MAN1A2: variants seen among roughly 807,000 people sequenced by gnomAD.
The protein encoded by MAN1A2 is mannosyl-oligosaccharide 1,2-alpha-mannosidase IB.
In MAN1A2, 26 loss-of-function variants were observed where a neutral mutation model predicts 75.7. The observed-to-expected ratio is 0.34, with a 90% CI of 0.25 to 0.48. The LOEUF (loss-of-function observed/expected upper bound fraction) is 0.48, where lower values mean the gene tolerates loss of function less well. Among genes scored for constraint, MAN1A2 ranks in the 20% least tolerant of loss-of-function variants. The pLI, the probability that MAN1A2 is intolerant of heterozygous loss-of-function variation, is 0.99. For synonymous variants in MAN1A2, 247 were observed against 264.6 expected, an observed-to-expected ratio of 0.93 and a Z score of 0.65; for missense variants, 562 against 775.5, an observed-to-expected ratio of 0.72 and a Z score of 3.27.
At chr1:117,428,758 A>G (rs1026348892) in intron 5 of MAN1A2, among the ~76,000 whole-genome samples, 7 of 139,512 alleles carry the variant, frequency 5.0e-5, no homozygotes, top group African/African-American at 1.9e-4. Context: ...GATGAAAAGT[A>G]TTGTCAGAGA....
At chr1:117,388,555 CAGT>C (rs1653616333) in intron 1 of MAN1A2, among the ~76,000 whole-genome samples, 1 of 152,136 alleles carries the variant, frequency 6.6e-6, no homozygotes, top group Admixed American at 6.5e-5. Context: ...GCATCTCACA[CAGT>C]AGGAGCAAGA....
intron 4 of MAN1A2, 119 bp from the exon 5 acceptor site, chr1:117,420,450 C>A: frequency 1.4e-6 from 1 of 709,714 alleles, no homozygotes; most frequent in African/African-American, 1.8e-5. Flanking sequence ...AATGAAGATG[C>A]AGAAAGTAGA....
At chr1:117,444,522 C>A (rs1003929174) in intron 6 of MAN1A2, among the ~76,000 whole-genome samples, 1 of 151,864 alleles carries the variant, frequency 6.6e-6, no homozygotes, top group Non-Finnish European at 1.5e-5. Context: ...TACATTTCCA[C>A]CAACAATATG....
chr1:117,372,111 CATG>C (rs1238678746), intron 1 of MAN1A2, among the ~76,000 whole-genome samples: 1 of 152,070 alleles, frequency 6.6e-6, no homozygotes, highest in Admixed American at 6.6e-5. Context: ...AAGGGAATGA[CATG>C]ATCATTTTAA....
At chr1:117,518,783 CAG>C (rs978200279) in intron 12 of MAN1A2, among the ~76,000 whole-genome samples, 1 of 151,976 alleles carries the variant, frequency 6.6e-6, no homozygotes, top group Non-Finnish European at 1.5e-5. Flanking sequence ...GTCAACAAGA[CAG>C]AAAGTCAACA....
chr1:117,397,700 G>A (rs552919696), intron 1 of MAN1A2, among the ~76,000 whole-genome samples: 43 of 135,172 alleles, frequency 3.2e-4, no homozygotes, highest in African/African-American at 1.2e-3. Context: ...GGCCCAGGCT[G>A]GAGTGCAATG....
Position 117,525,134 on chromosome 1 carries a change from T to C in MAN1A2, c.*2177T>C, listed in dbSNP as rs549361146. ...AGACAGAACCCCTACTTCCAAGTGCTCTATTTGTATTACCCAGATGACTGA... is the reference window on the plus strand; with the variant it reads ...AGACAGAACCCCTACTTCCAAGTGCCCTATTTGTATTACCCAGATGACTGA... On this transcript the variant is annotated 3_prime_UTR_variant, in exon 13 of 13. Coordinates refer to ENST00000356554, the MANE Select transcript of MAN1A2 (RefSeq NM_006699.5). 27 of 528,828 alleles carry C rather than the reference T, an allele frequency of 5.1e-5. No homozygotes were observed. The highest frequency in any genetic ancestry group is 4.8e-4 in the African/African-American group (25 of 51,964). The allele number at this position is 528,828 out of a possible 1,614,324, so 32.8% of individuals were successfully genotyped here.
At chr1:117,385,623 A>G (rs150520630) in intron 1 of MAN1A2, among the ~76,000 whole-genome samples, 59 of 152,330 alleles carry the variant, frequency 3.9e-4, no homozygotes, top group African/African-American at 1.3e-3. Context: ...AGTTAAAGGC[A>G]TGTGCTTAAA....
intron 6 of MAN1A2, among the ~76,000 whole-genome samples, chr1:117,451,435 T>A (rs936237919): frequency 6.6e-6 from 1 of 152,218 alleles, no homozygotes; most frequent in Non-Finnish European, 1.5e-5. Flanking sequence ...GAGTTAATGC[T>A]GAAATAAGAC....
intron 1 of MAN1A2, among the ~76,000 whole-genome samples, chr1:117,381,715 TG>T (rs1653345928): frequency 6.6e-6 from 1 of 151,800 alleles, no homozygotes; most frequent in Admixed American, 6.6e-5. Flanking sequence ...ATGGGATGGC[TG>T]GGTCAAATGG....
intron 1 of MAN1A2, among the ~76,000 whole-genome samples, chr1:117,376,189 C>T (rs565443192): frequency 1.3e-5 from 2 of 152,230 alleles, no homozygotes; most frequent in Admixed American, 6.5e-5. Context: ...GGATTACAGG[C>T]GTGAGCCCAC....
intron 3 of MAN1A2, among the ~76,000 whole-genome samples, chr1:117,409,616 C>A (rs1647742462): frequency 6.6e-6 from 1 of 151,958 alleles, no homozygotes; most frequent in African/African-American, 2.4e-5. Context: ...CTGTCTCTAT[C>A]TTAGTTGGGT....
At position 117,502,830 on chromosome 1, in the gene MAN1A2, T is replaced by C. The variant is rs771994724; in HGVS notation, c.1678-25T>C. 15 of 1,226,808 alleles carry C rather than the reference T, an allele frequency of 1.2e-5. No homozygotes were observed. The South Asian group carries it at 1.9e-4, about 15-fold the overall frequency. 76.0% of individuals were successfully genotyped at this position (1,226,808 alleles called of 1,614,324 possible). A position where few individuals can be genotyped will look rare whatever the true frequency, so the allele number is the denominator to read the frequency against. On this transcript the variant is annotated intron_variant, in intron 11 of 12. Transcript: ENST00000356554. ...AAAACTTGAAATTCTACGGAATTGC[T>C]TATTTTGTCTGATCTCTTTCATAGG...
At chr1:117,429,882 T>C (rs867393058) in intron 5 of MAN1A2, among the ~76,000 whole-genome samples, 2 of 52,180 alleles carry the variant, frequency 3.8e-5, no homozygotes, top group African/African-American at 7.4e-5. Flanking sequence ...CCCTCCCAGA[T>C]GGGGCGGCTG....
chr1:117,455,568 C>T (rs1649552039), intron 6 of MAN1A2, among the ~76,000 whole-genome samples: 1 of 152,014 alleles, frequency 6.6e-6, no homozygotes, highest in Non-Finnish European at 1.5e-5. Context: ...CAAAAAATAA[C>T]ATTACCTTAT....
At position 117,523,593 on chromosome 1, in the gene MAN1A2, G is replaced by C. The variant is rs1273807976; in HGVS notation, c.*636G>C. Reference sequence around the variant, plus strand: ...CCAGTCTATTTCATTGAAATTTCTTGGTTAAGTTTAATTTTCTCTGGGGGC... The same window carrying C: ...CCAGTCTATTTCATTGAAATTTCTTCGTTAAGTTTAATTTTCTCTGGGGGC... On this transcript the variant is annotated 3_prime_UTR_variant, in exon 13 of 13. Transcript: ENST00000356554. The C allele has an allele frequency of 5.9e-6, 1 of 170,110 alleles. No individual in the cohort carries two copies. Among genetic ancestry groups the C allele is most frequent in the Non-Finnish European group, 1.3e-5 (1 of 78,998 alleles). 10.5% of individuals were successfully genotyped at this position (170,110 alleles called of 1,614,324 possible). A position where few individuals can be genotyped will look rare whatever the true frequency, so the allele number is the denominator to read the frequency against.
intron 7 of MAN1A2, among the ~76,000 whole-genome samples, chr1:117,461,551 G>A (rs999313806): frequency 3.3e-5 from 5 of 152,006 alleles, no homozygotes; most frequent in Admixed American, 6.6e-5. Flanking sequence ...AAGAGAAGAC[G>A]TAGAATGTTT....
chr1:117,438,468 T>C (rs1231980210), intron 5 of MAN1A2, among the ~76,000 whole-genome samples: 1 of 152,170 alleles, frequency 6.6e-6, no homozygotes, highest in Non-Finnish European at 1.5e-5. Context: ...GAAGGATAAT[T>C]GTAAAAAATA....
intron 8 of MAN1A2, among the ~76,000 whole-genome samples, chr1:117,467,842 T>A (rs1232886718): frequency 1.3e-5 from 2 of 152,094 alleles, no homozygotes. Flanking sequence ...AAAAATTATG[T>A]TCAGTTCCTG....
Sources: allele counts gnomAD v4.1 joint callset (sites outside exome capture counted in the v4.1 genomes callset), GRCh38; gene constraint gnomAD v4.1.1; transcripts MANE v1.5; gene names NCBI Gene and HGNC (gene_info 2026-07-23, HGNC 2026-07-21).